Variants in TMEM50B observed in about 807,000 individuals in gnomAD.
The protein encoded by TMEM50B is transmembrane protein 50B, also known as HCV p7-trans-regulated protein 3.
In TMEM50B, 14 loss-of-function variants were observed where a neutral mutation model predicts 23.4. That is an observed-to-expected ratio of 0.60 (90% CI 0.39 to 0.93). The LOEUF (loss-of-function observed/expected upper bound fraction) is 0.93, where lower values mean the gene tolerates loss of function less well. TMEM50B is among the 40% of genes least tolerant of loss of function. The probability of loss-of-function intolerance (pLI) is 0.00; values close to 1 mark genes in which losing one functional copy is unlikely to be tolerated. For synonymous variants in TMEM50B, 64 were observed against 62.3 expected (o/e 1.03, Z -0.13); for missense variants, 159 against 193.0 (o/e 0.82, Z 1.04).
At chr21:33,452,408 T>C (rs1317162307) in intron 6 of TMEM50B, among the ~76,000 whole-genome samples, 1 of 152,090 alleles carries the variant, frequency 6.6e-6, no homozygotes, top group African/African-American at 2.4e-5. Flanking sequence ...GGCTGAGTAC[T>C]GAAGAGTCTA....
chr21:33,462,170 T>C (rs2084222937), intron 4 of TMEM50B, among the ~76,000 whole-genome samples: 1 of 152,180 alleles, frequency 6.6e-6, no homozygotes, highest in African/African-American at 2.4e-5. Flanking sequence ...TTTATTATTT[T>C]GATACTTTCC....
At position 33,450,079 on chromosome 21, in the gene TMEM50B, A is replaced by C. The variant is rs1166897211; in HGVS notation, c.*739T>G. On this transcript the variant is annotated 3_prime_UTR_variant, in exon 7 of 7. Transcript: ENST00000542230. ...ACAAATATTTTTTCTTTACCAAAAA[A>C]ACCTCATTTTTAGGCCAAAATAAGT... is the stretch of plus-strand genomic sequence containing the variant. 6.6e-6 allele frequency: 1 copy of C among 152,226 alleles called. No homozygotes were observed. The highest frequency in any genetic ancestry group is 1.5e-5 in the Non-Finnish European group (1 of 68,046). 9.4% of individuals were successfully genotyped at this position (152,226 alleles called of 1,614,324 possible). A position where few individuals can be genotyped will look rare whatever the true frequency, so the allele number is the denominator to read the frequency against.
At chr21:33,479,589 G>A (rs930035032) in intron 1 of TMEM50B, among the ~76,000 whole-genome samples, 7 of 152,228 alleles carry the variant, frequency 4.6e-5, no homozygotes, top group Non-Finnish European at 7.4e-5. Context: ...GCTGCTTGCG[G>A]GTCGCGGCGG....
chr21:33,448,860 T>C (rs1233595151), downstream of TMEM50B: 1 of 151,598 alleles, frequency 6.6e-6, no homozygotes, highest in Non-Finnish European at 1.5e-5. Flanking sequence ...TGAGCTGTGG[T>C]TGCACCACTG....
chr21:33,455,783 A>G lies in TMEM50B; in HGVS notation c.375T>C (p.Asn125=). The change falls in exon 6 of 7, where the codon AAT becomes AAC. Residue 125 remains asparagine, a splice_region_variant and synonymous_variant. Coordinates refer to ENST00000542230, the MANE Select transcript of TMEM50B (RefSeq NM_006134.7). ...CAGCTAGTCCCGGATAAACATCAGTATCTACATACACAAAGTAAAACAGAT... is the reference window on the plus strand; with the variant it reads ...CAGCTAGTCCCGGATAAACATCAGTGTCTACATACACAAAGTAAAACAGAT... ...WILFGAYVTQ[N]TDVYPGLAVF... 6.2e-7 allele frequency: 1 copy of G among 1,613,254 alleles called. No individual in the cohort carries two copies. The highest frequency in any genetic ancestry group is 8.5e-7 in the Non-Finnish European group (1 of 1,179,220).
chr21:33,453,241 C>G (rs1477067285), intron 6 of TMEM50B, among the ~76,000 whole-genome samples: 1 of 152,026 alleles, frequency 6.6e-6, no homozygotes, highest in African/African-American at 2.4e-5. Flanking sequence ...AGGCATGCAC[C>G]ACCATGCCCA....
intron 4 of TMEM50B, among the ~76,000 whole-genome samples, chr21:33,460,719 A>T (rs528138443): frequency 2.6e-5 from 4 of 152,302 alleles, no homozygotes; most frequent in South Asian, 4.1e-4. Context: ...GGAAAAAAAG[A>T]AAGTTACCTT....
At chr21:33,465,000 C>G (rs151206357) in intron 4 of TMEM50B, 1 of 201,634 alleles carries the variant, frequency 5.0e-6, no homozygotes, top group East Asian at 1.2e-4. Flanking sequence ...GTGTTCATTA[C>G]TTTCCTGTTA....
chr21:33,437,328 T>C, intron 8 of TMEM50B: 1 of 255,854 alleles, frequency 3.9e-6, no homozygotes, highest in Non-Finnish European at 7.7e-6. Flanking sequence ...GTCTTGACTT[T>C]GGCAAATGAG....
chr21:33,448,579 C>CA (rs1370653474), downstream of TMEM50B, among the ~76,000 whole-genome samples: 1 of 151,860 alleles, frequency 6.6e-6, no homozygotes, highest in African/African-American at 2.4e-5. Context: ...CTCCAAGGTT[C>CA]ACGCCATTCT....
chr21:33,452,923 C>T (rs2084134973), intron 6 of TMEM50B, among the ~76,000 whole-genome samples: 1 of 151,924 alleles, frequency 6.6e-6, no homozygotes, highest in Admixed American at 6.6e-5. Context: ...AGGGCATGAG[C>T]ATGTTAAGGG....
At chr21:33,462,458 T>A (rs545322432) in intron 4 of TMEM50B, among the ~76,000 whole-genome samples, 105 of 152,276 alleles carry the variant, frequency 6.9e-4, no homozygotes, top group African/African-American at 2.4e-3. Flanking sequence ...AAATACAGGT[T>A]CCACTTTTAA....
chr21:33,445,921 A>G (rs2084049185), downstream of TMEM50B, among the ~76,000 whole-genome samples: 1 of 152,250 alleles, frequency 6.6e-6, no homozygotes, highest in African/African-American at 2.4e-5. Context: ...AATAGCTAAT[A>G]AATGGCAGTG....
downstream of TMEM50B, chr21:33,447,008 T>C (rs2084066292): frequency 6.6e-6 from 1 of 152,050 alleles, no homozygotes; most frequent in South Asian, 2.1e-4. Context: ...CCGGGTAGGA[T>C]GGTACCCACC....
intron 7 of TMEM50B, among the ~76,000 whole-genome samples, chr21:33,439,627 A>ACCTG (rs2083990715): frequency 6.6e-6 from 1 of 151,630 alleles, no homozygotes. Flanking sequence ...TGATCCGCTC[A>ACCTG]CCTCAGCCTC....
At chr21:33,467,645 C>G (rs1051664087) in intron 2 of TMEM50B, among the ~76,000 whole-genome samples, 1 of 152,102 alleles carries the variant, frequency 6.6e-6, no homozygotes, top group African/African-American at 2.4e-5. Flanking sequence ...AATATAAATA[C>G]AAAAATTAGC....
chr21:33,462,130 T>C (rs2084222534), intron 4 of TMEM50B, among the ~76,000 whole-genome samples: 1 of 152,140 alleles, frequency 6.6e-6, no homozygotes, highest in African/African-American at 2.4e-5. Context: ...TTTTATAGTT[T>C]TATTATTTAG....
rs116536727 is a variant in TMEM50B at position 33,432,771 on chromosome 21, C to T, written c.*2152G>A. 210 of 1,614,032 alleles carry T rather than the reference C, an allele frequency of 1.3e-4. 2 individuals are homozygous for T. In the East Asian group the frequency reaches 2.2e-3, roughly 17 times the overall value. ...TCCGTGGGAACATTTTCGTTGCTGT[C>T]GGTGCTGGCAGGAGCCTGTTTCTTC... On this transcript the variant is annotated 3_prime_UTR_variant and NMD_transcript_variant, in exon 9 of 9. Transcript: ENST00000420455.
downstream of TMEM50B, among the ~76,000 whole-genome samples, chr21:33,448,016 G>A (rs779686896): frequency 4.6e-5 from 7 of 151,766 alleles, no homozygotes; most frequent in African/African-American, 9.7e-5. Context: ...TTTTCTAGAC[G>A]GAGTCTCGCT....
Sources: allele counts gnomAD v4.1 joint callset (sites outside exome capture counted in the v4.1 genomes callset), GRCh38; gene constraint gnomAD v4.1.1; transcripts MANE v1.5; gene names NCBI Gene and HGNC (gene_info 2026-07-23, HGNC 2026-07-21).